Variants in PSEN2 observed in about 807,000 individuals in gnomAD.
PSEN2 encodes the protein presenilin 2, also known as presenilin-2.
Under a neutral mutation model 49.1 loss-of-function variants are expected in PSEN2, and 32 were observed. That is an observed-to-expected ratio of 0.65 (90% confidence interval 0.49 to 0.88). The LOEUF (loss-of-function observed/expected upper bound fraction) is 0.88. Ranked by LOEUF, PSEN2 falls within the 40% of genes least tolerant of loss-of-function variation. The probability of loss-of-function intolerance (pLI) is 0.00; values close to 1 mark genes in which losing one functional copy is unlikely to be tolerated. For synonymous variants in PSEN2, 255 were observed against 244.0 expected, an observed-to-expected ratio of 1.05 and a Z score of -0.42; for missense variants, 522 against 586.9, an observed-to-expected ratio of 0.89 and a Z score of 1.14.
intron 2 of PSEN2, 73 bp from the exon 3 acceptor site, chr1:226,875,292 G>A (rs1660563251): frequency 6.6e-6 from 1 of 152,512 alleles, no homozygotes; most frequent in African/African-American, 2.4e-5. Context: ...CCAGGGGGAG[G>A]AAGGTGAGCA....
At chr1:226,889,966 C>A in intron 8 of PSEN2, 69 bp from the exon 9 acceptor site, 1 of 1,279,102 alleles carries the variant, frequency 7.8e-7, no homozygotes, top group Non-Finnish European at 1.1e-6. Context: ...GGCTCCTGTG[C>A]TACAGGGCAG....
intron 9 of PSEN2, chr1:226,890,918 C>G: frequency 3.4e-6 from 1 of 295,984 alleles, no homozygotes; most frequent in South Asian, 4.2e-5. Context: ...CACGGGAAAG[C>G]ACATTCCAGG....
chr1:226,888,911 G>T lies in PSEN2; in HGVS notation c.649G>T (p.Val217Leu). Reference sequence around the variant, plus strand: ...CTGGAACTTCGGGGCAGTGGGCATGGTGTGCATCCACTGGAAGGGCCCTCT... The same window carrying T: ...CTGGAACTTCGGGGCAGTGGGCATGTTGTGCATCCACTGGAAGGGCCCTCT... The part of the protein sequence containing the change: ...TVWNFGAVGM[V>L]CIHWKGPLVL... Residue 217 changes from valine to leucine, a missense_variant, in exon 8 of 13, where the codon GTG becomes TTG. Val to Leu is a conservative substitution (Grantham distance 32, BLOSUM62 1). Coordinates refer to ENST00000366783, the MANE Select transcript of PSEN2 (RefSeq NM_000447.3). 6.2e-7 allele frequency: 1 copy of T among 1,614,152 alleles called. No individual in the cohort carries two copies. The highest frequency in any genetic ancestry group is 1.1e-5 in the South Asian group (1 of 91,082).
At chr1:226,880,914 C>G (rs1660947089) in intron 3 of PSEN2, among the ~76,000 whole-genome samples, 1 of 152,194 alleles carries the variant, frequency 6.6e-6, no homozygotes, top group Non-Finnish European at 1.5e-5. Flanking sequence ...ACCTGGTCCT[C>G]AGACACCTCC....
chr1:226,902,297 C>T (rs774852121), intron 12 of PSEN2, among the ~76,000 whole-genome samples: 3 of 152,102 alleles, frequency 2.0e-5, no homozygotes, highest in South Asian at 2.1e-4. Context: ...TCATCTCCAC[C>T]GCTTACCACC....
rs1466370452 is a variant in PSEN2 at position 226,895,459 on chromosome 1, C to A, written c.1227C>A (p.Phe409Leu). 1.2e-6 allele frequency: 2 copies of A among 1,614,050 alleles called. No individual in the cohort carries two copies. The highest frequency in any genetic ancestry group is 3.3e-5 in the Admixed American group (2 of 60,012). Residue 409 changes from phenylalanine to leucine, a missense_variant, in exon 13 of 13, where the codon TTC becomes TTA. By Grantham distance (22) the Phe-to-Leu change is conservative. Coordinates refer to ENST00000366783, the MANE Select transcript of PSEN2 (RefSeq NM_000447.3). Reference sequence around the variant, plus strand: ...TGACCCTCCTGCTGCTTGCTGTGTTCAAGAAGGCGCTGCCCGCCCTCCCCA... The same window carrying A: ...TGACCCTCCTGCTGCTTGCTGTGTTAAAGAAGGCGCTGCCCGCCCTCCCCA... ...LCLTLLLLAVFKKALPALPIS... is the reference protein window; with the variant it reads ...LCLTLLLLAVLKKALPALPIS...
At chr1:226,901,264 C>T (rs1338193423), downstream of PSEN2, among the ~76,000 whole-genome samples, 4 of 152,074 alleles carry the variant, frequency 2.6e-5, no homozygotes, top group Admixed American at 6.5e-5. Flanking sequence ...GGTGAAACTC[C>T]GTCTCTACTA....
At chr1:226,900,046 G>T (rs753495148), downstream of PSEN2, among the ~76,000 whole-genome samples, 1 of 152,150 alleles carries the variant, frequency 6.6e-6, no homozygotes, top group Non-Finnish European at 1.5e-5. Context: ...GTGTCTTTTG[G>T]TTTACCAATG....
intron 8 of PSEN2, among the ~76,000 whole-genome samples, chr1:226,889,488 G>A (rs912845546): frequency 4.6e-5 from 7 of 152,138 alleles, no homozygotes; most frequent in Non-Finnish European, 5.9e-5. Context: ...TGTTGGCCAG[G>A]CTGATCTCGA....
chr1:226,885,479 T>C (rs780013549), intron 5 of PSEN2, 59 bp from the exon 6 acceptor site: 7 of 1,591,486 alleles, frequency 4.4e-6, no homozygotes, highest in Non-Finnish European at 6.0e-6. Context: ...TCACTCAAGG[T>C]GGGGAGCCTC....
chr1:226,895,422 A>C lies in PSEN2; in HGVS notation c.1192-2A>C. 1 of 1,614,010 alleles carries C rather than the reference A, an allele frequency of 6.2e-7. No homozygotes were observed. Among genetic ancestry groups the C allele is most frequent in the Non-Finnish European group, 8.5e-7 (1 of 1,179,994 alleles). ...GCTCACCCTCCCCTCCATGTCCTGC[A>C]GGGCTTGTGTCTGACCCTCCTGCTG... On this transcript the variant is annotated splice_acceptor_variant, in intron 12 of 12. Transcript: ENST00000366783. LOFTEE classifies it high-confidence loss of function.
chr1:226,876,642 A>G (rs906371533), intron 3 of PSEN2, among the ~76,000 whole-genome samples: 10 of 152,214 alleles, frequency 6.6e-5, no homozygotes, highest in Non-Finnish European at 1.2e-4. Context: ...TCTTTTATAT[A>G]CATACATTTT....
chr1:226,884,560 T>C (rs1661224306), intron 5 of PSEN2: 1 of 151,408 alleles, frequency 6.6e-6, no homozygotes, highest in African/African-American at 2.4e-5. Flanking sequence ...TTTTTAAAGT[T>C]AGGGATTTTT....
rs554642690 is a variant in PSEN2, at chr1:226,879,105, C to T, written c.-20-2783C>T. 2.0e-5 allele frequency among the ~76,000 whole-genome samples: 3 copies of T among 152,188 alleles called. No individual in the cohort carries two copies. In the South Asian group the frequency reaches 6.2e-4, roughly 32 times the overall value. On this transcript the variant is annotated intron_variant, in intron 3 of 12. Transcript: ENST00000366783. The stretch of plus-strand genomic sequence containing the variant: ...CAGGCTGGTCTTGAACTCCTGGGCT[C>T]AAGCGATCTGTCTGCCTCAGCCTCC...
At chr1:226,884,388 C>T (rs1240834798) in intron 5 of PSEN2, among the ~76,000 whole-genome samples, 1 of 152,196 alleles carries the variant, frequency 6.6e-6, no homozygotes, top group Admixed American at 6.5e-5. Context: ...TTTCTCAGCT[C>T]ACTTCCAGCC....
At position 226,883,836 on chromosome 1, in the gene PSEN2, GT is replaced by G; in HGVS notation, c.276del (p.Phe92LeufsTer8). The G allele has an allele frequency of 1.9e-6, 3 of 1,613,880 alleles. No individual in the cohort carries two copies. The highest frequency in any genetic ancestry group is 2.5e-6 in the Non-Finnish European group (3 of 1,179,914). On this transcript the variant is annotated frameshift_variant, in exon 5 of 13. Coordinates refer to ENST00000366783, the MANE Select transcript of PSEN2 (RefSeq NM_000447.3). LOFTEE classifies it high-confidence loss of function. The stretch of plus-strand genomic sequence containing the variant: ...ACGGAGCGAAGCACGTGATCATGCT[GT>G]TTGTGCCTGTCACTCTGTGCATGAT... ...KYGAKHVIMLFVPVTLCMIVV... is the reference protein window; with the variant it reads ...KYGAKHVIMLXVPVTLCMIVV...
intron 12 of PSEN2, among the ~76,000 whole-genome samples, chr1:226,902,656 A>G (rs1313581604): frequency 6.6e-6 from 1 of 152,150 alleles, no homozygotes; most frequent in Non-Finnish European, 1.5e-5. Context: ...TAGGTCCCCA[A>G]GCAGAGAGCC....
chr1:226,883,777 C>T lies in PSEN2; in HGVS notation c.214C>T (p.Pro72Ser). The part of the protein sequence containing the change: ...RYVCSGVPGR[P>S]PGLEEELTLK... ...TGTCTGTAGTGGGGTTCCCGGGCGG[C>T]CGCCAGGCCTGGAGGAAGAGCTGAC... Residue 72 changes from proline to serine, a missense_variant, in exon 5 of 13, where the codon CCG becomes TCG. Physicochemically the swap from Pro to Ser is moderately conservative, Grantham distance 74. Coordinates refer to ENST00000366783, the MANE Select transcript of PSEN2 (RefSeq NM_000447.3). 1.2e-6 allele frequency: 2 copies of T among 1,614,176 alleles called. No homozygotes were observed. The highest frequency in any genetic ancestry group is 1.7e-6 in the Non-Finnish European group (2 of 1,180,038).
intron 5 of PSEN2, 90 bp downstream of exon 5, chr1:226,884,009 C>T: frequency 8.9e-7 from 1 of 1,125,106 alleles, no homozygotes; most frequent in East Asian, 2.5e-5. Flanking sequence ...GTCACTGTAC[C>T]TGCAGCTCCA....
Sources: gnomAD v4.1 joint callset for allele counts (sites outside exome capture counted in the v4.1 genomes callset) on GRCh38, gnomAD v4.1.1 for gene constraint, MANE v1.5 for transcripts, NCBI Gene and HGNC (gene_info 2026-07-23, HGNC 2026-07-21) for gene names.